SLC35D4: variants seen among roughly 807,000 people sequenced by gnomAD.
SLC35D4 encodes the protein UDP-N-acetylglucosamine transporter SLC35D4.
At chr18:23,339,745 C>A in the SLC35D4 span, among the ~76,000 whole-genome samples, 1 of 152,206 alleles carries the variant, frequency 6.6e-6, no homozygotes, top group Non-Finnish European at 1.5e-5. Context: ...GTGAAGGCTG[C>A]TGTCTCAGAG....
chr18:23,253,918 A>G, the SLC35D4 span: 1 of 1,614,152 alleles, frequency 6.2e-7, no homozygotes, highest in Non-Finnish European at 8.5e-7. Flanking sequence ...AAAAACACGA[A>G]GTCAAGCATT....
the SLC35D4 span, among the ~76,000 whole-genome samples, chr18:23,338,127 CAT>C: frequency 6.6e-6 from 1 of 152,230 alleles, no homozygotes; most frequent in East Asian, 1.9e-4. Context: ...AACCACCAAA[CAT>C]ATATTTTCAC....
chr18:23,253,851 G>A, the SLC35D4 span: 6 of 1,614,076 alleles, frequency 3.7e-6, no homozygotes, highest in Non-Finnish European at 5.1e-6. Context: ...AAACAGAACC[G>A]GAAGCTGTGT....
chr18:23,366,942 C>T, the SLC35D4 span, among the ~76,000 whole-genome samples: 1 of 152,276 alleles, frequency 6.6e-6, no homozygotes, highest in African/African-American at 2.4e-5. Context: ...AATGATCAGC[C>T]CTTTGCATAG....
the SLC35D4 span, among the ~76,000 whole-genome samples, chr18:23,343,506 G>A: frequency 6.6e-6 from 1 of 152,228 alleles, no homozygotes; most frequent in Admixed American, 6.5e-5. Context: ...CTCTCAAAGT[G>A]CTAGGATTAC....
At chr18:23,379,734 A>G in the SLC35D4 span, among the ~76,000 whole-genome samples, 1 of 152,212 alleles carries the variant, frequency 6.6e-6, no homozygotes, top group Non-Finnish European at 1.5e-5. Flanking sequence ...TCAGTCCAAA[A>G]TAACCTAGCA....
chr18:23,291,112 C>G, the SLC35D4 span, among the ~76,000 whole-genome samples: 5 of 152,204 alleles, frequency 3.3e-5, no homozygotes, highest in Non-Finnish European at 7.3e-5. Flanking sequence ...TGGCTAAGGG[C>G]TGTGGGTCTT....
At chr18:23,369,532 G>A in the SLC35D4 span, among the ~76,000 whole-genome samples, 1 of 152,170 alleles carries the variant, frequency 6.6e-6, no homozygotes, top group Non-Finnish European at 1.5e-5. Flanking sequence ...CGGGGCTGGG[G>A]AAACAAGAAA....
At chr18:23,289,162 C>T in the SLC35D4 span, among the ~76,000 whole-genome samples, 1 of 152,218 alleles carries the variant, frequency 6.6e-6, no homozygotes, top group Non-Finnish European at 1.5e-5. Context: ...CTCTTGTTTA[C>T]ACTGCCAGTT....
At chr18:23,309,384 G>A in the SLC35D4 span, among the ~76,000 whole-genome samples, 1 of 152,124 alleles carries the variant, frequency 6.6e-6, no homozygotes, top group Non-Finnish European at 1.5e-5. Flanking sequence ...GTGGAGGAGT[G>A]AGGGTGATGT....
chr18:23,309,730 G>A, the SLC35D4 span: 1 of 1,613,994 alleles, frequency 6.2e-7, no homozygotes, highest in African/African-American at 1.3e-5. Flanking sequence ...ATATTGATAA[G>A]CCAGCTGTGA....
At chr18:23,387,431 ACC>A in the SLC35D4 span, among the ~76,000 whole-genome samples, 1 of 152,100 alleles carries the variant, frequency 6.6e-6, no homozygotes, top group Non-Finnish European at 1.5e-5. Flanking sequence ...TAGGTTAAGG[ACC>A]TTGATGAGTG....
chr18:23,426,401 T>C, the SLC35D4 span, among the ~76,000 whole-genome samples: 1 of 152,094 alleles, frequency 6.6e-6, no homozygotes, highest in Admixed American at 6.6e-5. Context: ...AAATCATGAG[T>C]GAATTCCCAT....
chr18:23,409,701 G>C, the SLC35D4 span, among the ~76,000 whole-genome samples: 3 of 152,200 alleles, frequency 2.0e-5, no homozygotes, highest in East Asian at 5.8e-4. Context: ...AAAATTAGCT[G>C]GGCATGGTGG....
At chr18:23,400,823 C>A in the SLC35D4 span, among the ~76,000 whole-genome samples, 2 of 152,184 alleles carry the variant, frequency 1.3e-5, no homozygotes, top group African/African-American at 2.4e-5. Context: ...GGCAAGCACT[C>A]CATCCAAGAT....
At chr18:23,261,402 G>C in the SLC35D4 span, among the ~76,000 whole-genome samples, 1 of 151,886 alleles carries the variant, frequency 6.6e-6, no homozygotes. Flanking sequence ...CTGGGAGGCC[G>C]AGGTGGGTGG....
the SLC35D4 span, among the ~76,000 whole-genome samples, chr18:23,267,238 C>CT: frequency 2.0e-5 from 3 of 152,200 alleles, no homozygotes; most frequent in Non-Finnish European, 2.9e-5. Context: ...ACATTCTTCA[C>CT]TGACACCACC....
the SLC35D4 span, among the ~76,000 whole-genome samples, chr18:23,332,225 A>G: frequency 2.0e-5 from 3 of 152,138 alleles, no homozygotes; most frequent in Admixed American, 1.3e-4. Context: ...AAAAAATAAC[A>G]GGCTTACTGA....
At chr18:23,262,947 G>A in the SLC35D4 span, among the ~76,000 whole-genome samples, 1 of 152,224 alleles carries the variant, frequency 6.6e-6, no homozygotes, top group Non-Finnish European at 1.5e-5. Context: ...GTGATAGGCA[G>A]ATGAAGCCTT....
Sources: gnomAD v4.1 joint callset for allele counts (sites outside exome capture counted in the v4.1 genomes callset) on GRCh38, gnomAD v4.1.1 for gene constraint, MANE v1.5 for transcripts, NCBI Gene and HGNC (gene_info 2026-07-23, HGNC 2026-07-21) for gene names.